The following OR9Q1 variants were observed in gnomAD, a reference collection of about 807,000 sequenced individuals.
OR9Q1 encodes the protein olfactory receptor 9Q1.
For missense variants in OR9Q1, 374 were observed against 378.8 expected, an observed-to-expected ratio of 0.99 and a Z score of 0.11; for synonymous variants, 153 against 148.6, an observed-to-expected ratio of 1.03 and a Z score of -0.22.
chr11:58,040,698 CAGA>C (rs973032557), intron 1 of OR9Q1: 5 of 152,236 alleles, frequency 3.3e-5, no homozygotes, highest in Non-Finnish European at 5.9e-5. Flanking sequence ...TGATGGGGCT[CAGA>C]AGAAGGCTCG....
intron 2 of OR9Q1, among the ~76,000 whole-genome samples, chr11:58,173,208 C>T (rs1854571452): frequency 1.3e-5 from 2 of 151,766 alleles, no homozygotes; most frequent in African/African-American, 2.4e-5. Context: ...CATATGTATA[C>T]ATGTGCCATG....
chr11:58,152,037 G>A (rs1210938898), intron 2 of OR9Q1, among the ~76,000 whole-genome samples: 3 of 152,134 alleles, frequency 2.0e-5, no homozygotes, highest in South Asian at 2.1e-4. Flanking sequence ...CAGGCCATGG[G>A]GAAATCCTCT....
chr11:58,110,094 A>ATG, intron 2 of OR9Q1, among the ~76,000 whole-genome samples: 1 of 152,288 alleles, frequency 6.6e-6, no homozygotes, highest in South Asian at 2.1e-4. Flanking sequence ...TACAGATGTC[A>ATG]TGTGAATGGT....
intron 2 of OR9Q1, among the ~76,000 whole-genome samples, chr11:58,093,759 C>CAAAAAAAAAAAA (rs71061572): frequency 1.4e-4 from 5 of 35,560 alleles, no homozygotes; most frequent in East Asian, 9.1e-4. Flanking sequence ...GACTTCATCT[C>CAAAAAAAAAAAA]AAAAAAAAAA....
At chr11:58,152,515 ATCATC>A (rs1053512243) in intron 2 of OR9Q1, among the ~76,000 whole-genome samples, 57 of 152,284 alleles carry the variant, frequency 3.7e-4, no homozygotes, top group Middle Eastern at 3.4e-3. Context: ...GAACTTCAGA[ATCATC>A]TCATTTGTTT....
chr11:58,082,743 T>TAATAATAATAATAATAAC (rs1554967136), intron 2 of OR9Q1, among the ~76,000 whole-genome samples: 1 of 52,724 alleles, frequency 1.9e-5, no homozygotes, highest in African/African-American at 4.5e-5. Flanking sequence ...ACTTAAAGTA[T>TAATAATAATAATAATAAC]AATAATAATA....
intron 2 of OR9Q1, among the ~76,000 whole-genome samples, chr11:58,085,385 T>G (rs978917148): frequency 4.0e-5 from 6 of 151,690 alleles, no homozygotes; most frequent in Non-Finnish European, 7.4e-5. Flanking sequence ...TTGGTGAGAG[T>G]TTTTTGTTTT....
chr11:58,131,026 C>T (rs770011438), intron 2 of OR9Q1, among the ~76,000 whole-genome samples: 2 of 152,046 alleles, frequency 1.3e-5, no homozygotes, highest in East Asian at 3.9e-4. Context: ...TACTTTGGTG[C>T]GGTAGGATAT....
chr11:58,174,275 C>T (rs1313539625), intron 2 of OR9Q1, among the ~76,000 whole-genome samples: 3 of 152,090 alleles, frequency 2.0e-5, no homozygotes, highest in African/African-American at 7.2e-5. Context: ...ATATGCCCTG[C>T]ATAGCTTGCT....
intron 2 of OR9Q1, among the ~76,000 whole-genome samples, chr11:58,082,297 G>A (rs1186364842): frequency 6.6e-6 from 1 of 152,018 alleles, no homozygotes; most frequent in Non-Finnish European, 1.5e-5. Context: ...ACATGCACAA[G>A]TATGTTTATT....
chr11:58,063,690 G>A (rs1853401484), intron 2 of OR9Q1, among the ~76,000 whole-genome samples: 1 of 150,450 alleles, frequency 6.6e-6, no homozygotes, highest in African/African-American at 2.5e-5. Context: ...AATTTACAAG[G>A]GAAGATATTT....
chr11:58,175,889 C>G (rs1286374795), intron 2 of OR9Q1, among the ~76,000 whole-genome samples: 1 of 151,638 alleles, frequency 6.6e-6, no homozygotes, highest in Non-Finnish European at 1.5e-5. Context: ...TAAAACAATA[C>G]TATTGTGTCA....
chr11:58,166,786 T>C (rs1854509394), intron 2 of OR9Q1, among the ~76,000 whole-genome samples: 1 of 152,186 alleles, frequency 6.6e-6, no homozygotes, highest in African/African-American at 2.4e-5. Context: ...GGAACCATAT[T>C]CTTTTCATGC....
chr11:58,151,741 T>C (rs1854353766), intron 2 of OR9Q1, among the ~76,000 whole-genome samples: 1 of 152,008 alleles, frequency 6.6e-6, no homozygotes, highest in Non-Finnish European at 1.5e-5. Flanking sequence ...CCAGTGAATT[T>C]AGGAATTTAT....
intron 2 of OR9Q1, chr11:58,073,188 C>G: frequency 4.4e-6 from 1 of 224,892 alleles, no homozygotes; most frequent in Non-Finnish European, 9.8e-6. Flanking sequence ...AATGACAAAC[C>G]GGCATCCATG....
At chr11:58,025,255 C>G (rs558092422) in intron 1 of OR9Q1, among the ~76,000 whole-genome samples, 1 of 152,272 alleles carries the variant, frequency 6.6e-6, no homozygotes. Context: ...CTCACTGCAA[C>G]CTCCGCCTCC....
chr11:58,082,763 ATAATAAT>A (rs894893572), intron 2 of OR9Q1, among the ~76,000 whole-genome samples: 10 of 130,724 alleles, frequency 7.6e-5, no homozygotes, highest in African/African-American at 2.7e-4. Flanking sequence ...AATAATAATA[ATAATAAT>A]AAAAAGTTAG....
intron 2 of OR9Q1, among the ~76,000 whole-genome samples, chr11:58,084,056 C>T (rs1853613179): frequency 1.3e-5 from 2 of 151,828 alleles, no homozygotes; most frequent in African/African-American, 4.9e-5. Flanking sequence ...GGCTGTATGG[C>T]CACTTTAATG....
intron 2 of OR9Q1, among the ~76,000 whole-genome samples, chr11:58,139,899 A>G (rs1213793057): frequency 2.6e-5 from 4 of 151,910 alleles, no homozygotes; most frequent in Non-Finnish European, 5.9e-5. Context: ...CAGTCCCACC[A>G]ACAGTGTAAA....
Sources: gnomAD v4.1 joint callset for allele counts (sites outside exome capture counted in the v4.1 genomes callset) on GRCh38, gnomAD v4.1.1 for gene constraint, MANE v1.5 for transcripts, NCBI Gene and HGNC (gene_info 2026-07-23, HGNC 2026-07-21) for gene names.